MCTP1: variants seen among roughly 807,000 people sequenced by gnomAD.
MCTP1 encodes multiple C2 and transmembrane domain containing 1, also known as multiple C2 and transmembrane domain-containing protein 1.
Under a neutral mutation model 120.6 loss-of-function variants are expected in MCTP1, and 69 were observed. The ratio of observed to expected loss-of-function variants is 0.57; its 90% confidence interval spans 0.47 to 0.70. The LOEUF is 0.70. Ranked by LOEUF, MCTP1 falls within the 30% of genes least tolerant of loss-of-function variation. The probability of loss-of-function intolerance (pLI) is 0.00; values close to 1 mark genes in which losing one functional copy is unlikely to be tolerated. For missense variants in MCTP1, 1,203 were observed against 1,248.8 expected (o/e 0.96, Z 0.55); for synonymous variants, 529 against 493.1 (o/e 1.07, Z -0.96).
intron 1 of MCTP1, among the ~76,000 whole-genome samples, chr5:95,268,528 G>A (rs1759093888): frequency 6.6e-6 from 1 of 152,296 alleles, no homozygotes; most frequent in Middle Eastern, 3.4e-3. Context: ...TTCTTGGAAG[G>A]CCAGGAGGTT....
chr5:94,838,605 A>G (rs1471517739), intron 17 of MCTP1, among the ~76,000 whole-genome samples: 1 of 152,192 alleles, frequency 6.6e-6, no homozygotes, highest in African/African-American at 2.4e-5. Flanking sequence ...CTCAGTACAT[A>G]CCTTAAGTCT....
intron 19 of MCTP1, among the ~76,000 whole-genome samples, chr5:94,754,477 G>C (rs1240602071): frequency 1.3e-5 from 2 of 152,212 alleles, no homozygotes; most frequent in African/African-American, 2.4e-5. Flanking sequence ...ATATTAGTGA[G>C]AGTGGCAGAA....
intron 1 of MCTP1, among the ~76,000 whole-genome samples, chr5:95,124,985 A>G (rs1582304622): frequency 2.0e-5 from 3 of 152,354 alleles, no homozygotes; most frequent in Middle Eastern, 3.4e-3. Flanking sequence ...ATCTCTTTGA[A>G]GATCCTTCAG....
At chr5:95,130,061 A>C (rs1357368549) in intron 1 of MCTP1, among the ~76,000 whole-genome samples, 3 of 152,166 alleles carry the variant, frequency 2.0e-5, no homozygotes, top group African/African-American at 7.2e-5. Flanking sequence ...TTTGGACTCC[A>C]GGATTTACAC....
intron 1 of MCTP1, among the ~76,000 whole-genome samples, chr5:95,178,591 C>T (rs1054851777): frequency 6.6e-6 from 1 of 152,184 alleles, no homozygotes; most frequent in Admixed American, 6.5e-5. Flanking sequence ...CACTGCAGTT[C>T]GCCTCTCAGG....
chr5:94,866,219 A>C (rs1461663287), intron 17 of MCTP1, among the ~76,000 whole-genome samples: 2 of 151,912 alleles, frequency 1.3e-5, no homozygotes, highest in Non-Finnish European at 2.9e-5. Flanking sequence ...TGGTCAACTG[A>C]TTCTGTCAGC....
chr5:95,253,330 C>G (rs1333628976), intron 1 of MCTP1, among the ~76,000 whole-genome samples: 2 of 152,078 alleles, frequency 1.3e-5, no homozygotes, highest in Non-Finnish European at 2.9e-5. Context: ...AGAACACTGC[C>G]AGGGGGTGGG....
Position 94,764,678 on chromosome 5 carries a change from G to A in MCTP1, c.2610+14432C>T, listed in dbSNP as rs548907469. ...GATAAAGGGATCAATTCAGCAAGAAGATCAACAACTATAAATATATATGCA... is the reference window on the plus strand; with the variant it reads ...GATAAAGGGATCAATTCAGCAAGAAAATCAACAACTATAAATATATATGCA... On this transcript the variant is annotated intron_variant, in intron 19 of 22. Coordinates refer to ENST00000515393, the MANE Select transcript of MCTP1 (RefSeq NM_024717.7). Among the ~76,000 whole-genome samples the A allele has an allele frequency of 2.6e-5, 4 of 151,880 alleles. No homozygotes were observed. In the South Asian group the frequency reaches 8.3e-4, roughly 32 times the overall value.
Position 95,124,937 on chromosome 5 carries a change from A to G in MCTP1, c.721-107453T>C, listed in dbSNP as rs1470978424. ...GTGCTTTTATCTGGACATCAAAGATACCACTTCACCTAGAACAGGTTATAG... is the reference window on the plus strand; with the variant it reads ...GTGCTTTTATCTGGACATCAAAGATGCCACTTCACCTAGAACAGGTTATAG... On this transcript the variant is annotated intron_variant, in intron 1 of 22. Transcript: ENST00000515393. Among the ~76,000 whole-genome samples the G allele has an allele frequency of 3.9e-5, 6 of 152,372 alleles. 1 individual carries two copies. The highest frequency in any genetic ancestry group is 3.9e-4 in the Admixed American group (6 of 15,308).
intron 1 of MCTP1, among the ~76,000 whole-genome samples, chr5:95,223,946 TG>T (rs1402247424): frequency 6.6e-6 from 1 of 152,246 alleles, no homozygotes; most frequent in Non-Finnish European, 1.5e-5. Context: ...AAACATTTTC[TG>T]TTTTTCTAGA....
chr5:95,278,026 T>C (rs1213116577), intron 1 of MCTP1, among the ~76,000 whole-genome samples: 1 of 151,460 alleles, frequency 6.6e-6, no homozygotes, highest in Non-Finnish European at 1.5e-5. Flanking sequence ...CAATATTCCA[T>C]ACTACAGTTA....
chr5:95,052,567 A>G (rs1357478230), intron 1 of MCTP1, among the ~76,000 whole-genome samples: 3 of 152,268 alleles, frequency 2.0e-5, no homozygotes, highest in Admixed American at 1.3e-4. Context: ...CAGTTTCCCA[A>G]TAGCTCCTAT....
intron 1 of MCTP1, among the ~76,000 whole-genome samples, chr5:95,041,080 T>C (rs963394078): frequency 4.6e-5 from 7 of 152,106 alleles, no homozygotes; most frequent in Admixed American, 4.6e-4. Flanking sequence ...TTCGAGTTTT[T>C]TTTTGTTACT....
chr5:95,017,334 A>G (rs1286629276), intron 2 of MCTP1, 33 bp downstream of exon 2: 1 of 1,348,540 alleles, frequency 7.4e-7, no homozygotes, highest in Non-Finnish European at 1.0e-6. Flanking sequence ...CACATAAAAA[A>G]GCTTCTAGGT....
rs574844974 is a variant in MCTP1 at position 94,956,416 on chromosome 5, T to C, written c.839-3055A>G. 1.8e-4 allele frequency among the ~76,000 whole-genome samples: 28 copies of C among 151,988 alleles called. No individual in the cohort carries two copies. In the South Asian group the frequency reaches 4.4e-3, roughly 24 times the overall value. On this transcript the variant is annotated intron_variant, in intron 2 of 22. Coordinates refer to ENST00000515393, the MANE Select transcript of MCTP1 (RefSeq NM_024717.7). ...GGAACAAAACTGGATGGTGAATGAG[T>C]TTGATGAATTGACAGAAGTAGGCTT...
At chr5:94,901,238 G>C (rs910974478) in intron 10 of MCTP1, among the ~76,000 whole-genome samples, 1 of 152,078 alleles carries the variant, frequency 6.6e-6, no homozygotes, top group African/African-American at 2.4e-5. Flanking sequence ...CATGTTCAGG[G>C]GAACTCCCCT....
intron 1 of MCTP1, among the ~76,000 whole-genome samples, chr5:95,222,068 C>G (rs551585371): frequency 6.6e-6 from 1 of 152,218 alleles, no homozygotes; most frequent in African/African-American, 2.4e-5. Context: ...TCATTTATTT[C>G]TCTTTCAAAC....
chr5:95,244,558 C>T (rs942965594), intron 1 of MCTP1, among the ~76,000 whole-genome samples: 9 of 152,238 alleles, frequency 5.9e-5, no homozygotes, highest in Non-Finnish European at 1.2e-4. Context: ...GTCCTATGCC[C>T]ACAGAGCTTT....
intron 1 of MCTP1, among the ~76,000 whole-genome samples, chr5:95,054,058 A>G (rs1746711374): frequency 6.6e-6 from 1 of 152,186 alleles, no homozygotes; most frequent in Admixed American, 6.5e-5. Context: ...CTTCTTATCT[A>G]TGACTTCGGA....
Sources: allele counts gnomAD v4.1 joint callset (sites outside exome capture counted in the v4.1 genomes callset), GRCh38; gene constraint gnomAD v4.1.1; transcripts MANE v1.5; gene names NCBI Gene and HGNC (gene_info 2026-07-23, HGNC 2026-07-21).